PCCA: variants seen among roughly 807,000 people sequenced by gnomAD.
The protein encoded by PCCA is propionyl-CoA carboxylase subunit alpha.
PCCA carries 74 observed loss-of-function variants against 101.3 expected under a neutral mutation model. The ratio of observed to expected loss-of-function variants is 0.73; its 90% confidence interval spans 0.61 to 0.89. The LOEUF (loss-of-function observed/expected upper bound fraction) is 0.89. Ranked by LOEUF, PCCA falls within the 40% of genes least tolerant of loss-of-function variation. The probability of loss-of-function intolerance (pLI) is 0.00; values close to 1 mark genes in which losing one functional copy is unlikely to be tolerated. For missense variants in PCCA, 891 were observed against 907.0 expected (o/e 0.98, Z 0.23); for synonymous variants, 294 against 313.6 (o/e 0.94, Z 0.66).
chr13:100,159,346 C>T (rs1390789086), intron 6 of PCCA, among the ~76,000 whole-genome samples: 2 of 151,970 alleles, frequency 1.3e-5, no homozygotes, highest in African/African-American at 4.8e-5. Flanking sequence ...ACCTCAGCTT[C>T]CCAAAGTGCT....
At chr13:100,123,020 GA>G (rs2049561850) in intron 4 of PCCA, among the ~76,000 whole-genome samples, 1 of 152,176 alleles carries the variant, frequency 6.6e-6, no homozygotes, top group Admixed American at 6.5e-5. Context: ...GCAAAAATAA[GA>G]AGATTGTATT....
Position 100,273,117 on chromosome 13 carries a change from G to C in PCCA, c.915-79G>C. ...TGATCTATATCTGAGTAAACTTTAAGAAAATGTTTATGTAATGCACACAAA... is the reference window on the plus strand; with the variant it reads ...TGATCTATATCTGAGTAAACTTTAACAAAATGTTTATGTAATGCACACAAA... On this transcript the variant is annotated intron_variant, in intron 11 of 23. Coordinates refer to ENST00000376285, the MANE Select transcript of PCCA (RefSeq NM_000282.4). 3.8e-6 allele frequency: 4 copies of C among 1,060,388 alleles called. No individual in the cohort carries two copies. The Admixed American group carries it at 7.2e-5, about 19-fold the overall frequency. 65.7% of individuals were successfully genotyped at this position (1,060,388 alleles called of 1,614,324 possible). A position where few individuals can be genotyped will look rare whatever the true frequency, so the allele number is the denominator to read the frequency against.
intron 12 of PCCA, among the ~76,000 whole-genome samples, chr13:100,278,695 G>T (rs2063849014): frequency 6.6e-6 from 1 of 152,106 alleles, no homozygotes; most frequent in South Asian, 2.1e-4. Context: ...GACCAGGATG[G>T]TCTCAGTTTC....
chr13:100,527,830 G>A lies in PCCA; in HGVS notation c.2118+78G>A. On this transcript the variant is annotated intron_variant, in intron 23 of 23. Transcript: ENST00000376285. ...CCACCTTTGAATCGTGGGTGGTTTG[G>A]CTGGAAAGGGCCACAGAGGCGCCCT... 4 of 1,070,046 alleles carry A rather than the reference G, an allele frequency of 3.7e-6. No individual in the cohort carries two copies. The South Asian group carries it at 5.0e-5, about 13-fold the overall frequency. The allele number at this position is 1,070,046 out of a possible 1,614,324, so 66.3% of individuals were successfully genotyped here.
intron 12 of PCCA, among the ~76,000 whole-genome samples, chr13:100,296,859 C>T (rs564516719): frequency 3.3e-5 from 5 of 152,194 alleles, no homozygotes; most frequent in Middle Eastern, 3.4e-3. Context: ...ATTCAAATTT[C>T]CCCAGTTGCC....
chr13:100,440,528 G>A (rs185822329), intron 20 of PCCA, among the ~76,000 whole-genome samples: 10 of 151,720 alleles, frequency 6.6e-5, no homozygotes, highest in Admixed American at 5.9e-4. Flanking sequence ...CCTAATAACT[G>A]TTTATAGATA....
intron 6 of PCCA, among the ~76,000 whole-genome samples, chr13:100,176,964 T>C (rs1247329993): frequency 3.9e-5 from 6 of 152,206 alleles, no homozygotes; most frequent in African/African-American, 1.2e-4. Flanking sequence ...ATAAAAGCCC[T>C]GTGGGATTAA....
chr13:100,417,708 C>T (rs1356623761), intron 19 of PCCA, among the ~76,000 whole-genome samples: 1 of 152,104 alleles, frequency 6.6e-6, no homozygotes, highest in African/African-American at 2.4e-5. Flanking sequence ...CACTGCCTCC[C>T]AGCCCCTTCC....
chr13:100,213,737 T>C (rs2059359887), intron 7 of PCCA, among the ~76,000 whole-genome samples: 1 of 152,210 alleles, frequency 6.6e-6, no homozygotes, highest in South Asian at 2.1e-4. Context: ...TAACTTGATG[T>C]GACCCCATTT....
At chr13:100,405,124 C>T (rs2077594405) in intron 19 of PCCA, among the ~76,000 whole-genome samples, 1 of 152,194 alleles carries the variant, frequency 6.6e-6, no homozygotes, top group Non-Finnish European at 1.5e-5. Context: ...ACCCAGATAA[C>T]TGGTGACTGT....
intron 8 of PCCA, among the ~76,000 whole-genome samples, chr13:100,239,339 T>C (rs2060986988): frequency 6.6e-6 from 1 of 152,204 alleles, no homozygotes; most frequent in Middle Eastern, 3.2e-3. Flanking sequence ...TATTATACTG[T>C]GTCTAAACCA....
chr13:100,454,791 CTT>C (rs2081588998), intron 21 of PCCA, among the ~76,000 whole-genome samples: 1 of 152,022 alleles, frequency 6.6e-6, no homozygotes, highest in East Asian at 1.9e-4. Flanking sequence ...AAAATACAAA[CTT>C]AAAAATAATT....
intron 21 of PCCA, among the ~76,000 whole-genome samples, chr13:100,456,396 G>A (rs1052580951): frequency 1.3e-5 from 2 of 152,304 alleles, no homozygotes; most frequent in African/African-American, 4.8e-5. Context: ...GGGGCTTAGC[G>A]GGTGTTCTCC....
chr13:100,247,746 C>T (rs1426611872), intron 8 of PCCA, among the ~76,000 whole-genome samples: 1 of 151,322 alleles, frequency 6.6e-6, no homozygotes, highest in Non-Finnish European at 1.5e-5. Flanking sequence ...GGACTCCTAA[C>T]CTTAAGTAAT....
chr13:100,127,285 A>C (rs1467810360), intron 4 of PCCA, among the ~76,000 whole-genome samples: 1 of 152,182 alleles, frequency 6.6e-6, no homozygotes, highest in Non-Finnish European at 1.5e-5. Flanking sequence ...ATTTTCTTTT[A>C]TAAAACGTTA....
intron 6 of PCCA, among the ~76,000 whole-genome samples, chr13:100,181,701 T>C (rs1253191892): frequency 1.3e-5 from 2 of 151,488 alleles, no homozygotes; most frequent in African/African-American, 2.4e-5. Flanking sequence ...GCCCCTTGTA[T>C]TGGATTTGGG....
chr13:100,123,494 T>G (rs1594218258), intron 4 of PCCA, among the ~76,000 whole-genome samples: 1 of 152,346 alleles, frequency 6.6e-6, no homozygotes, highest in Admixed American at 6.5e-5. Context: ...ATGGAAATGA[T>G]AAAACACTGT....
At chr13:100,150,129 G>C (rs1339842308) in intron 4 of PCCA, among the ~76,000 whole-genome samples, 1 of 142,514 alleles carries the variant, frequency 7.0e-6, no homozygotes, top group East Asian at 2.3e-4. Flanking sequence ...CCCAGGTTCA[G>C]CAATTCTCCT....
At chr13:100,499,568 CTTA>C (rs2085519849) in intron 21 of PCCA, among the ~76,000 whole-genome samples, 1 of 152,190 alleles carries the variant, frequency 6.6e-6, no homozygotes, top group South Asian at 2.1e-4. Context: ...CAAGTAGTGT[CTTA>C]TTAAGGCGGT....
Sources: gnomAD v4.1 joint callset for allele counts (sites outside exome capture counted in the v4.1 genomes callset) on GRCh38, gnomAD v4.1.1 for gene constraint, MANE v1.5 for transcripts, NCBI Gene and HGNC (gene_info 2026-07-23, HGNC 2026-07-21) for gene names.